KCP: variants seen among roughly 807,000 people sequenced by gnomAD.
The protein encoded by KCP is kielin cysteine rich BMP regulator.
KCP carries 194 observed loss-of-function variants against 212.7 expected under a neutral mutation model. The observed-to-expected ratio is 0.91, with a 90% CI of 0.81 to 1.03. The LOEUF is 1.03. KCP is among the 50% of genes least tolerant of loss of function. The pLI is 0.00. For synonymous variants in KCP, 833 were observed against 865.3 expected, an observed-to-expected ratio of 0.96 and a Z score of 0.65; for missense variants, 2,080 against 2,162.5, an observed-to-expected ratio of 0.96 and a Z score of 0.76.
In KCP at chr7:128,881,658, G is replaced by A. The variant is rs760074055; in HGVS notation, c.3392C>T (p.Thr1131Ile). 27 of 1,514,064 alleles carry A rather than the reference G, an allele frequency of 1.8e-5. No homozygotes were observed. In the South Asian group the frequency reaches 3.1e-4, roughly 17 times the overall value. 93.8% of individuals were successfully genotyped at this position (1,514,064 alleles called of 1,614,324 possible). A position where few individuals can be genotyped will look rare whatever the true frequency, so the allele number is the denominator to read the frequency against. The part of the protein sequence containing the change: ...ELSCPLSERH[T>I]PPGSCCPVCR... The stretch of plus-strand genomic sequence containing the variant: ...TACGGGGCAGCAGCTCCCAGGGGGA[G>A]TGTGGCGCTCTGAGAGGGGACAGCT... Residue 1131 changes from threonine (T) to isoleucine (I), a missense_variant, in exon 31 of 40, where the codon ACT becomes ATT. Thr to Ile is a moderately conservative substitution (Grantham distance 89, BLOSUM62 -1). Coordinates refer to ENST00000610776, the MANE Select transcript of KCP (RefSeq NM_001366122.1).
chr7:128,881,353 C>T (rs1793321882), intron 31 of KCP, among the ~76,000 whole-genome samples: 1 of 152,234 alleles, frequency 6.6e-6, no homozygotes, highest in African/African-American at 2.4e-5. Context: ...CAGTGCAATG[C>T]CCTCTTCATG....
intron 22 of KCP, among the ~76,000 whole-genome samples, 182 bp from the exon 23 acceptor site, chr7:128,887,482 CACAT>C (rs988183418): frequency 2.7e-5 from 4 of 150,872 alleles, no homozygotes; most frequent in African/African-American, 9.8e-5. Flanking sequence ...CACAGCCACA[CACAT>C]ACATACACGC....
Position 128,892,725 on chromosome 7 carries a change from G to C in KCP, c.1490C>G (p.Thr497Arg), listed in dbSNP as rs866386000. The stretch of plus-strand genomic sequence containing the variant: ...GGCATGGCAAGGGCTGTCTGCATCC[G>C]TGAAGTTCTGCCCATTGGCATACAC... ...SQVYANGQNFTDADSPCHACH... is the reference protein window; with the variant it reads ...SQVYANGQNFRDADSPCHACH... The change falls in exon 15 of 40, where the codon ACG becomes AGG. Residue 497 changes from threonine (T) to arginine (R), a missense_variant. By Grantham distance (71) the Thr-to-Arg change is moderately conservative (BLOSUM62 -1). Transcript: ENST00000610776. 1 of 1,551,710 alleles carries C rather than the reference G, an allele frequency of 6.4e-7. No homozygotes were observed. The highest frequency in any genetic ancestry group is 1.4e-5 in the African/African-American group (1 of 73,178).
intron 29 of KCP, among the ~76,000 whole-genome samples, 192 bp downstream of exon 29, chr7:128,883,810 G>A (rs866230832): frequency 2.6e-5 from 4 of 152,218 alleles, no homozygotes; most frequent in Admixed American, 6.5e-5. Context: ...ACCCAGCTGC[G>A]GAGAGGCAAA....
At chr7:128,905,809 G>A (rs1226746474) in intron 5 of KCP, among the ~76,000 whole-genome samples, 9 of 151,886 alleles carry the variant, frequency 5.9e-5, no homozygotes, top group Non-Finnish European at 1.3e-4. Context: ...GGAACCTCAC[G>A]TACTCCCTCT....
At chr7:128,879,486 G>A (rs746777286) in intron 37 of KCP, 36 bp downstream of exon 37, 3 of 1,522,422 alleles carry the variant, frequency 2.0e-6, no homozygotes, top group Non-Finnish European at 1.8e-6. Context: ...GAAGCTCCCA[G>A]CAGGCAGCCC....
rs574738024 is a variant in KCP at position 128,905,489 on chromosome 7, C to T, written c.571+790G>A. On this transcript the variant is annotated intron_variant, in intron 5 of 39. Transcript: ENST00000610776. ...GCTCGGCCTCCACTATTCCAGGGGA[C>T]CCAGCCAGTCACCGGCTCCTGCCCG... 8.6e-4 allele frequency among the ~76,000 whole-genome samples: 130 copies of T among 150,940 alleles called. No individual in the cohort carries two copies. The South Asian group carries it at 0.012, about 14-fold the overall frequency.
chr7:128,886,994 C>G, intron 23 of KCP, 28 bp from the exon 24 acceptor site: 1 of 1,211,406 alleles, frequency 8.3e-7, no homozygotes, highest in South Asian at 1.3e-5. Flanking sequence ...ATCACACCCT[C>G]AACTGGACTG....
intron 8 of KCP, among the ~76,000 whole-genome samples, chr7:128,896,709 G>C (rs1195039342): frequency 6.6e-6 from 1 of 151,954 alleles, no homozygotes; most frequent in Non-Finnish European, 1.5e-5. Flanking sequence ...TGGCCAACAC[G>C]GTGAAACTCC....
rs530026682 is a variant in KCP, at chr7:128,902,881, G to A, written c.749-22C>T. On this transcript the variant is annotated intron_variant, in intron 7 of 39. Transcript: ENST00000610776. ...CAGCCTAGGGTTGAGGGGTTGAGAA[G>A]AGGGAGGCCTGGTGGGAGCTGGCCT... is the stretch of plus-strand genomic sequence containing the variant. The A allele has an allele frequency of 3.9e-6, 6 of 1,541,920 alleles. No homozygotes were observed. In the African/African-American group the frequency reaches 5.5e-5, roughly 14 times the overall value.
Position 128,908,542 on chromosome 7 carries a change from C to CA in KCP, c.102dup (p.Gly35TrpfsTer41). ...GAGGAATGGGCAGTTGTCTGCTGCC[C>CA]AGGGGGCTCCCTGGGGACAGCCCCA... On this transcript the variant is annotated frameshift_variant, in exon 2 of 40. Coordinates refer to ENST00000610776, the MANE Select transcript of KCP (RefSeq NM_001366122.1). LOFTEE classifies it high-confidence loss of function. 1 of 1,551,418 alleles carries CA rather than the reference C, an allele frequency of 6.4e-7. No individual in the cohort carries two copies.
At chr7:128,901,396 G>C (rs1362499780) in intron 8 of KCP, among the ~76,000 whole-genome samples, 2 of 152,312 alleles carry the variant, frequency 1.3e-5, no homozygotes, top group African/African-American at 2.4e-5. Flanking sequence ...GGAGGCAGAG[G>C]GGGGCGGATC....
chr7:128,904,841 G>T (rs1795043070), intron 5 of KCP, among the ~76,000 whole-genome samples: 1 of 152,236 alleles, frequency 6.6e-6, no homozygotes, highest in Non-Finnish European at 1.5e-5. Context: ...TGGCAGTAAA[G>T]TGTCCGATAG....
rs905561646 is a variant in KCP at position 128,890,460 on chromosome 7, T to C, written c.2218A>G (p.Thr740Ala). 3.5e-5 allele frequency: 55 copies of C among 1,550,738 alleles called. No individual in the cohort carries two copies. The East Asian group carries it at 1.1e-3, about 30-fold the overall frequency. Residue 740 changes from threonine (T) to alanine (A), a missense_variant, in exon 21 of 40, where the codon ACT becomes GCT. By Grantham distance (58) the Thr-to-Ala change is moderately conservative. Coordinates refer to ENST00000610776, the MANE Select transcript of KCP (RefSeq NM_001366122.1). ...FASGERFPSP[T>A]AACHLCLCWE... ...CAAAGGCAGAGGTGGCAGGCAGCAG[T>C]GGGCGATGGGAAGCGCTCCCCGCTG...
Position 128,877,687 on chromosome 7 carries a change from C to T in KCP, c.4415G>A (p.Cys1472Tyr). 1 of 1,551,404 alleles carries T rather than the reference C, an allele frequency of 6.4e-7. No individual in the cohort carries two copies. Among genetic ancestry groups the T allele is most frequent in the South Asian group, 1.2e-5 (1 of 84,066 alleles). Reference protein sequence around the residue: ...YRARREANARCGVLKSSPFSR... With the variant: ...YRARREANARYGVLKSSPFSR... ...GAATGGGGAGGACTTCAGCACCCCA[C>T]ACCGGGCATTGGCCTCACGCCTGGC... The change falls in exon 39 of 40, where the codon TGT (cysteine) becomes TAT (tyrosine). Residue 1472 changes from cysteine (C) to tyrosine (Y), a missense_variant. Transcript: ENST00000610776.
intron 8 of KCP, among the ~76,000 whole-genome samples, chr7:128,900,342 A>G (rs756262839): frequency 2.0e-5 from 3 of 152,200 alleles, no homozygotes; most frequent in East Asian, 3.8e-4. Flanking sequence ...AAGTTTTTGC[A>G]ATTTAGACTG....
chr7:128,881,550 G>A, intron 31 of KCP, 76 bp downstream of exon 31: 1 of 1,028,798 alleles, frequency 9.7e-7, no homozygotes, highest in Non-Finnish European at 1.4e-6. Flanking sequence ...CTGCCCGCTT[G>A]GCCCATGAAT....
Position 128,884,066 on chromosome 7 carries a change from C to A in KCP, c.3180G>T (p.Leu1060=). The part of the protein sequence containing the change: ...LRCHRRQCPS[L]VGCPPSQLLP... ...GGAGCTGGCTGGGGGGGCAGCCCAC[C>A]AGGCTGGGACACTGCCGCCGGTGAC... The change falls in exon 29 of 40, where the codon CTG becomes CTT. Residue 1060 remains leucine, a synonymous_variant. Transcript: ENST00000610776. 1 of 1,542,172 alleles carries A rather than the reference C, an allele frequency of 6.5e-7. No individual in the cohort carries two copies. The highest frequency in any genetic ancestry group is 1.2e-5 in the South Asian group (1 of 83,230).
At chr7:128,882,765 A>G (rs1793406243) in intron 29 of KCP, among the ~76,000 whole-genome samples, 1 of 150,930 alleles carries the variant, frequency 6.6e-6, no homozygotes, top group Admixed American at 6.6e-5. Flanking sequence ...AAAACAAACA[A>G]ACAAACAAAC....
Sources: gnomAD v4.1 joint callset for allele counts (sites outside exome capture counted in the v4.1 genomes callset) on GRCh38, gnomAD v4.1.1 for gene constraint, MANE v1.5 for transcripts, NCBI Gene and HGNC (gene_info 2026-07-23, HGNC 2026-07-21) for gene names.